Variants in ROBO2 observed in about 807,000 individuals in gnomAD.
The protein encoded by ROBO2 is roundabout homolog 2.
ROBO2 carries 53 observed loss-of-function variants against 160.8 expected under a neutral mutation model. The observed-to-expected ratio is 0.33, with a 90% confidence interval of 0.26 to 0.41. The LOEUF (loss-of-function observed/expected upper bound fraction) is 0.41, where lower values mean the gene tolerates loss of function less well. Ranked by LOEUF, ROBO2 falls within the 10% of genes least tolerant of loss-of-function variation. The pLI is 1.00. For missense variants in ROBO2, 1,577 were observed against 1,722.4 expected, an observed-to-expected ratio of 0.92 and a Z score of 1.49; for synonymous variants, 664 against 611.7, an observed-to-expected ratio of 1.09 and a Z score of -1.26.
chr3:77,372,012 A>G (rs550118964), intron 2 of ROBO2, among the ~76,000 whole-genome samples: 1 of 152,232 alleles, frequency 6.6e-6, no homozygotes, highest in South Asian at 2.1e-4. Flanking sequence ...GGAACATTCC[A>G]CCTTTTATGA....
chr3:76,428,957 TCTTCTCTAA>T (rs1166418023), intron 2 of ROBO2, among the ~76,000 whole-genome samples: 1 of 152,140 alleles, frequency 6.6e-6, no homozygotes, highest in Non-Finnish European at 1.5e-5. Flanking sequence ...GCCATAAATT[TCTTCTCTAA>T]CTTCTCACCT....
intron 2 of ROBO2, among the ~76,000 whole-genome samples, chr3:77,148,621 T>C (rs2150503950): frequency 6.6e-6 from 1 of 152,278 alleles, no homozygotes; most frequent in East Asian, 1.9e-4. Context: ...ACAGGAGAGA[T>C]CACTAATATT....
chr3:77,000,480 A>G (rs939563062), intron 2 of ROBO2, among the ~76,000 whole-genome samples: 3 of 152,084 alleles, frequency 2.0e-5, no homozygotes, highest in Non-Finnish European at 4.4e-5. Context: ...TCTGCTACTT[A>G]TTTCAGGCAG....
At chr3:77,321,848 CA>C (rs1264897711) in intron 2 of ROBO2, among the ~76,000 whole-genome samples, 1 of 151,846 alleles carries the variant, frequency 6.6e-6, no homozygotes, top group Non-Finnish European at 1.5e-5. Flanking sequence ...GAGAGTACAC[CA>C]AGGACAAAGT....
chr3:77,070,950 A>G (rs1242309326), intron 1 of ROBO2, among the ~76,000 whole-genome samples: 1 of 152,156 alleles, frequency 6.6e-6, no homozygotes, highest in Non-Finnish European at 1.5e-5. Flanking sequence ...TGGATTCGAT[A>G]TACACCAGGG....
intron 2 of ROBO2, among the ~76,000 whole-genome samples, chr3:76,736,616 G>A (rs1429553052): frequency 1.3e-5 from 2 of 152,162 alleles, no homozygotes; most frequent in Non-Finnish European, 2.9e-5. Flanking sequence ...TCTGCAGTAA[G>A]TAACATTTAT....
chr3:77,037,352 A>G (rs1272373371), upstream of ROBO2, among the ~76,000 whole-genome samples: 1 of 152,204 alleles, frequency 6.6e-6, no homozygotes, highest in African/African-American at 2.4e-5. Flanking sequence ...TAGCTAGTGT[A>G]TGGCAAACAA....
At chr3:76,174,644 C>G (rs968953062) in intron 2 of ROBO2, among the ~76,000 whole-genome samples, 1 of 151,840 alleles carries the variant, frequency 6.6e-6, no homozygotes, top group African/African-American at 2.4e-5. Flanking sequence ...CGTTGTTTTT[C>G]TCAGGTTTGT....
At chr3:76,726,358 GA>G (rs949410513) in intron 2 of ROBO2, among the ~76,000 whole-genome samples, 12 of 152,174 alleles carry the variant, frequency 7.9e-5, no homozygotes, top group Middle Eastern at 6.8e-3. Flanking sequence ...ATTAGGCTAT[GA>G]TTTTTTTAGG....
chr3:76,192,534 ACACAC>A (rs1702062872), intron 2 of ROBO2, among the ~76,000 whole-genome samples: 2 of 123,720 alleles, frequency 1.6e-5, no homozygotes, highest in African/African-American at 5.7e-5. Flanking sequence ...CCACACACAC[ACACAC>A]ACACACACAC....
At chr3:76,134,867 CA>C (rs200188054) in intron 2 of ROBO2, among the ~76,000 whole-genome samples, 2 of 149,850 alleles carry the variant, frequency 1.3e-5, no homozygotes, top group Admixed American at 6.6e-5. Flanking sequence ...CTAAACCTCA[CA>C]AAAAAAAATA....
chr3:77,642,184 G>A (rs548754560), intron 24 of ROBO2, among the ~76,000 whole-genome samples: 2 of 152,330 alleles, frequency 1.3e-5, no homozygotes, highest in African/African-American at 2.4e-5. Flanking sequence ...GGTAAAGGCA[G>A]TCATATGTTG....
intron 2 of ROBO2, among the ~76,000 whole-genome samples, chr3:77,127,758 T>A (rs529403015): frequency 7.2e-5 from 11 of 152,224 alleles, no homozygotes; most frequent in African/African-American, 2.6e-4. Flanking sequence ...AAGGCTAAAG[T>A]TTTGACTTAT....
intron 2 of ROBO2, among the ~76,000 whole-genome samples, chr3:76,479,828 A>G (rs184410289): frequency 1.3e-5 from 2 of 152,276 alleles, no homozygotes; most frequent in East Asian, 3.9e-4. Flanking sequence ...CCAACTTTGG[A>G]TAAAATGTCT....
chr3:77,449,783 GTC>G (rs957318877), intron 2 of ROBO2, among the ~76,000 whole-genome samples: 4 of 151,998 alleles, frequency 2.6e-5, no homozygotes, highest in African/African-American at 9.7e-5. Context: ...AAAAAATAGT[GTC>G]TCTCACAGTG....
intron 1 of ROBO2, among the ~76,000 whole-genome samples, chr3:77,088,274 C>A (rs2069628951): frequency 6.6e-6 from 1 of 152,158 alleles, no homozygotes; most frequent in Non-Finnish European, 1.5e-5. Context: ...ATCTTTATTA[C>A]TTACCTTCAC....
intron 2 of ROBO2, among the ~76,000 whole-genome samples, chr3:76,446,800 C>G (rs1298356570): frequency 6.6e-6 from 1 of 152,164 alleles, no homozygotes; most frequent in African/African-American, 2.4e-5. Flanking sequence ...AAAGGATTCC[C>G]TATTTAATAA....
chr3:77,083,996 G>A (rs1377900883), intron 1 of ROBO2, among the ~76,000 whole-genome samples: 1 of 152,066 alleles, frequency 6.6e-6, no homozygotes, highest in Non-Finnish European at 1.5e-5. Context: ...TGGAATGAGT[G>A]AATTATCTTC....
chr3:76,491,122 G>A (rs531411778), intron 2 of ROBO2, among the ~76,000 whole-genome samples: 2 of 151,978 alleles, frequency 1.3e-5, no homozygotes, highest in African/African-American at 4.8e-5. Flanking sequence ...AGCAGGCCTG[G>A]CTAATTTTTG....
Sources: allele counts gnomAD v4.1 joint callset (sites outside exome capture counted in the v4.1 genomes callset), GRCh38; gene constraint gnomAD v4.1.1; transcripts MANE v1.5; gene names NCBI Gene and HGNC (gene_info 2026-07-23, HGNC 2026-07-21).